B3GALT1: variants seen among roughly 807,000 people sequenced by gnomAD.
B3GALT1 encodes UDP-Gal:betaGlcNAc beta 1,3-galactosyltransferase, polypeptide 1.
B3GALT1 carries 10 observed loss-of-function variants against 23.2 expected under a neutral mutation model. The ratio of observed to expected loss-of-function variants is 0.43; its 90% CI spans 0.27 to 0.73. The LOEUF is 0.73. Among genes scored for constraint, B3GALT1 ranks in the 30% least tolerant of loss-of-function variants. B3GALT1 has a pLI of 0.21. For missense variants in B3GALT1, 299 were observed against 405.4 expected (o/e 0.74, Z 2.25); for synonymous variants, 156 against 141.5 (o/e 1.10, Z -0.73).
At chr2:167,467,703 A>G (rs1310295295) in intron 1 of B3GALT1, among the ~76,000 whole-genome samples, 1 of 152,200 alleles carries the variant, frequency 6.6e-6, no homozygotes, top group East Asian at 1.9e-4. Flanking sequence ...CTTGTTTTCC[A>G]TTCCTAGGAA....
intron 3 of B3GALT1, among the ~76,000 whole-genome samples, chr2:167,804,246 GC>G (rs1688701533): frequency 6.6e-6 from 1 of 151,812 alleles, no homozygotes; most frequent in Non-Finnish European, 1.5e-5. Context: ...AGCCTCGGCC[GC>G]CCAAAGTGCT....
intron 2 of B3GALT1, among the ~76,000 whole-genome samples, chr2:167,503,849 A>G (rs566947076): frequency 6.6e-6 from 1 of 152,242 alleles, no homozygotes; most frequent in African/African-American, 2.4e-5. Flanking sequence ...TTAAAATTTC[A>G]AGTGCAATTT....
intron 1 of B3GALT1, among the ~76,000 whole-genome samples, chr2:167,471,735 C>A (rs955619170): frequency 1.3e-5 from 2 of 152,056 alleles, no homozygotes; most frequent in African/African-American, 4.8e-5. Flanking sequence ...AATAAATACA[C>A]CACATATGCA....
At chr2:167,447,290 G>C (rs140366102) in intron 1 of B3GALT1, among the ~76,000 whole-genome samples, 2,646 of 152,290 alleles carry the variant, frequency 0.017, 81 homozygotes, top group African/African-American at 0.061. Flanking sequence ...GTGCCTCCCA[G>C]TTAGGCTACT....
intron 1 of B3GALT1, among the ~76,000 whole-genome samples, chr2:167,333,370 C>T (rs1464940845): frequency 1.3e-5 from 2 of 152,230 alleles, no homozygotes; most frequent in African/African-American, 4.8e-5. Flanking sequence ...GCAGGGCTAA[C>T]ACCAGGAGAA....
At chr2:167,520,771 A>G (rs952424069) in intron 2 of B3GALT1, among the ~76,000 whole-genome samples, 3 of 152,182 alleles carry the variant, frequency 2.0e-5, no homozygotes, top group Non-Finnish European at 2.9e-5. Flanking sequence ...TCTTGATTCC[A>G]CTTGGTTAAA....
intron 3 of B3GALT1, among the ~76,000 whole-genome samples, chr2:167,704,537 T>A (rs1574222729): frequency 6.8e-6 from 1 of 146,898 alleles, no homozygotes; most frequent in African/African-American, 2.5e-5. Context: ...TAGCCTACTT[T>A]AAAAAAAAAA....
At chr2:167,564,079 G>A (rs567930425) in intron 2 of B3GALT1, among the ~76,000 whole-genome samples, 9 of 151,252 alleles carry the variant, frequency 6.0e-5, no homozygotes, top group East Asian at 4.0e-4. Context: ...GGCGGCTGCC[G>A]GGCGGAGGGG....
At chr2:167,763,690 G>GAAAAAAAAAAAAAAAAAAAAAAA (rs35567239) in intron 3 of B3GALT1, among the ~76,000 whole-genome samples, 1 of 82,066 alleles carries the variant, frequency 1.2e-5, no homozygotes, top group African/African-American at 5.7e-5. Flanking sequence ...GACTCTGTCA[G>GAAAAAAAAAAAAAAAAAAAAAAA]AAAAAAAAAA....
chr2:167,471,887 G>A (rs532710126), intron 1 of B3GALT1, among the ~76,000 whole-genome samples: 1 of 152,248 alleles, frequency 6.6e-6, no homozygotes, highest in South Asian at 2.1e-4. Flanking sequence ...ATGGCTCTCA[G>A]TGAGAGGCCT....
intron 1 of B3GALT1, among the ~76,000 whole-genome samples, chr2:167,422,018 G>C (rs77977258): frequency 1.3e-5 from 2 of 151,722 alleles, no homozygotes; most frequent in Admixed American, 6.6e-5. Flanking sequence ...TGGAAATGGG[G>C]CCTCTAGGAG....
chr2:167,544,700 C>T (rs945824112), intron 2 of B3GALT1, among the ~76,000 whole-genome samples: 3 of 152,146 alleles, frequency 2.0e-5, no homozygotes, highest in Non-Finnish European at 4.4e-5. Flanking sequence ...ACTCCAGGTT[C>T]AAGGCACAGC....
chr2:167,728,148 A>G (rs1219561561), intron 3 of B3GALT1, among the ~76,000 whole-genome samples: 1 of 152,138 alleles, frequency 6.6e-6, no homozygotes, highest in Non-Finnish European at 1.5e-5. Flanking sequence ...ACACTTTGGG[A>G]GGCCAAGGGG....
intron 2 of B3GALT1, among the ~76,000 whole-genome samples, chr2:167,567,049 T>C (rs1222362354): frequency 6.6e-6 from 1 of 152,192 alleles, no homozygotes; most frequent in Non-Finnish European, 1.5e-5. Context: ...GTAATTCATA[T>C]AGACTTAGGT....
chr2:167,535,002 A>T (rs1683392453), intron 2 of B3GALT1, among the ~76,000 whole-genome samples: 2 of 152,182 alleles, frequency 1.3e-5, no homozygotes, highest in Non-Finnish European at 1.5e-5. Context: ...AGGTTTACAA[A>T]GCTAGCAGGT....
chr2:167,327,160 C>A (rs1391323210), intron 1 of B3GALT1, among the ~76,000 whole-genome samples: 1 of 151,968 alleles, frequency 6.6e-6, no homozygotes, highest in East Asian at 1.9e-4. Context: ...TTTACTATAC[C>A]TTGTAATATA....
chr2:167,500,249 C>T (rs1699833494), intron 2 of B3GALT1, among the ~76,000 whole-genome samples: 2 of 151,992 alleles, frequency 1.3e-5, no homozygotes, highest in African/African-American at 4.8e-5. Flanking sequence ...ACCAGATGGG[C>T]TTATTTATCG....
chr2:167,619,713 A>G (rs1685223953), intron 2 of B3GALT1, among the ~76,000 whole-genome samples: 1 of 152,122 alleles, frequency 6.6e-6, no homozygotes, highest in Non-Finnish European at 1.5e-5. Flanking sequence ...AAATGGTTTA[A>G]GTCTCACATA....
chr2:167,872,380 T>C lies in B3GALT1; in HGVS notation c.*2360T>C, dbSNP rs1690370312. 1 of 152,186 alleles carries C rather than the reference T, an allele frequency of 6.6e-6. No individual in the cohort carries two copies. Among genetic ancestry groups the C allele is most frequent in the South Asian group, 2.1e-4 (1 of 4,826 alleles). 9.4% of individuals were successfully genotyped at this position (152,186 alleles called of 1,614,324 possible). A position where few individuals can be genotyped will look rare whatever the true frequency, so the allele number is the denominator to read the frequency against. On this transcript the variant is annotated 3_prime_UTR_variant, in exon 5 of 5. Transcript: ENST00000392690. ...TCCCATCCCTTAACACATCTTCATCTTATGGTCAGCAGGACTGCTGGTTTT... is the reference window on the plus strand; with the variant it reads ...TCCCATCCCTTAACACATCTTCATCCTATGGTCAGCAGGACTGCTGGTTTT...
Sources: gnomAD v4.1 joint callset for allele counts (sites outside exome capture counted in the v4.1 genomes callset) on GRCh38, gnomAD v4.1.1 for gene constraint, MANE v1.5 for transcripts, NCBI Gene and HGNC (gene_info 2026-07-23, HGNC 2026-07-21) for gene names.